Variants in SYCP2 observed in about 807,000 individuals in gnomAD.
SYCP2 encodes the protein synaptonemal complex protein 2.
In SYCP2, 55 loss-of-function variants were observed where a neutral mutation model predicts 211.3. That is an observed-to-expected ratio of 0.26 (90% CI 0.21 to 0.33). The LOEUF (loss-of-function observed/expected upper bound fraction) is 0.33. SYCP2 is among the 10% of genes least tolerant of loss of function. The pLI is 1.00. For synonymous variants in SYCP2, 570 were observed against 555.2 expected (o/e 1.03, Z -0.37); for missense variants, 1,731 against 1,752.0 (o/e 0.99, Z 0.21).
In SYCP2 at chr20:59,919,638, ATT is replaced by A. The variant is rs777300620; in HGVS notation, c.298-43_298-42del. The A allele has an allele frequency of 4.0e-6, 5 of 1,260,966 alleles. No homozygotes were observed. In the East Asian group the frequency reaches 1.2e-4, roughly 30 times the overall value. 78.1% of individuals were successfully genotyped at this position (1,260,966 alleles called of 1,614,324 possible). Reference sequence around the variant, plus strand: ...AACTTATTAGAGTTCCATTTTAATAATTTTAAGAATGTACTTATCTATCTTTG... The same window carrying A: ...AACTTATTAGAGTTCCATTTTAATAATTAAGAATGTACTTATCTATCTTTG... On this transcript the variant is annotated intron_variant, in intron 5 of 44. Coordinates refer to ENST00000357552, the MANE Select transcript of SYCP2 (RefSeq NM_014258.4).
chr20:59,918,850 A>T (rs1234506368), intron 7 of SYCP2, among the ~76,000 whole-genome samples: 1 of 152,154 alleles, frequency 6.6e-6, no homozygotes, highest in Admixed American at 6.5e-5. Flanking sequence ...AAGTTTCATT[A>T]TTAGTAGACC....
chr20:59,870,624 C>T (rs2145610079), intron 35 of SYCP2, among the ~76,000 whole-genome samples: 1 of 151,772 alleles, frequency 6.6e-6, no homozygotes, highest in African/African-American at 2.4e-5. Flanking sequence ...GGCAATTCTT[C>T]CCTTAGACAA....
chr20:59,886,497 G>A (rs2059791499), intron 25 of SYCP2, among the ~76,000 whole-genome samples: 1 of 151,928 alleles, frequency 6.6e-6, no homozygotes, highest in African/African-American at 2.4e-5. Context: ...TATATAAAAT[G>A]TAACTAGACA....
At chr20:59,871,262 C>T (rs373556920) in intron 35 of SYCP2, among the ~76,000 whole-genome samples, 1 of 151,782 alleles carries the variant, frequency 6.6e-6, no homozygotes, top group South Asian at 2.1e-4. Flanking sequence ...CAGGAAAATG[C>T]AAATTAAAGA....
At chr20:59,877,845 A>C (rs2059590924) in intron 32 of SYCP2, among the ~76,000 whole-genome samples, 163 bp downstream of exon 32, 1 of 151,994 alleles carries the variant, frequency 6.6e-6, no homozygotes, top group South Asian at 2.1e-4. Context: ...GTCAAAGGCC[A>C]GTATGATTTA....
intron 25 of SYCP2, 94 bp downstream of exon 25, chr20:59,886,613 A>G: frequency 3.3e-6 from 3 of 907,346 alleles, no homozygotes; most frequent in Non-Finnish European, 4.7e-6. Flanking sequence ...AAGTTACATT[A>G]TCTGAACCTA....
intron 37 of SYCP2, 39 bp downstream of exon 37, chr20:59,868,796 A>G (rs1412765539): frequency 1.3e-6 from 2 of 1,505,812 alleles, no homozygotes; most frequent in South Asian, 1.2e-5. Context: ...GTAGCATTTC[A>G]GTAATCATTT....
rs754029276 is a variant in SYCP2 at position 59,880,330 on chromosome 20, C to G, written c.2914G>C (p.Val972Leu). The G allele has an allele frequency of 3.8e-6, 6 of 1,588,448 alleles. No individual in the cohort carries two copies. Among genetic ancestry groups the G allele is most frequent in the Middle Eastern group, 1.7e-4 (1 of 5,884 alleles). ...GATTTTCCACTTTTATGATTCTTCA[C>G]ATTTTTATTTCTGCTATAGTCTATT... The part of the protein sequence containing the change: ...QLIDYSRNKN[V>L]KNHKSGKSRS... Residue 972 changes from valine (V) to leucine (L), a missense_variant, in exon 31 of 45, where the codon GTG (valine) becomes CTG (leucine). Physicochemically the swap from Val to Leu is conservative, Grantham distance 32 (BLOSUM62 1). Coordinates refer to ENST00000357552, the MANE Select transcript of SYCP2 (RefSeq NM_014258.4).
intron 26 of SYCP2, 139 bp from the exon 27 acceptor site, chr20:59,882,304 G>T: frequency 1.5e-6 from 1 of 673,026 alleles, no homozygotes. Flanking sequence ...CAAAAAGACA[G>T]GCAATAACAG....
chr20:59,864,197 G>A lies in SYCP2; in HGVS notation c.*114C>T. On this transcript the variant is annotated 3_prime_UTR_variant, in exon 45 of 45. Transcript: ENST00000357552. ...TTTTTAATTTGAGGGTTCCTATAAA[G>A]GGTACACTTGCTTCGGTGACATGTA... 1 of 705,062 alleles carries A rather than the reference G, an allele frequency of 1.4e-6. No individual in the cohort carries two copies. Among genetic ancestry groups the A allele is most frequent in the Non-Finnish European group, 2.3e-6 (1 of 438,536 alleles). 43.7% of individuals were successfully genotyped at this position (705,062 alleles called of 1,614,324 possible).
At chr20:59,900,377 A>C in intron 17 of SYCP2, 93 bp from the exon 18 acceptor site, 2 of 1,083,774 alleles carry the variant, frequency 1.8e-6, no homozygotes, top group Non-Finnish European at 2.6e-6. Context: ...TACTCATCTC[A>C]CATATTCAAT....
intron 25 of SYCP2, among the ~76,000 whole-genome samples, 175 bp from the exon 26 acceptor site, chr20:59,886,139 T>C (rs6015594): frequency 1.3e-5 from 2 of 151,422 alleles, no homozygotes; most frequent in African/African-American, 2.5e-5. Context: ...ACAGCACTTA[T>C]AATAGAGCAT....
In SYCP2 at chr20:59,893,134, A is replaced by T; in HGVS notation, c.1793+8T>A. The T allele has an allele frequency of 6.3e-7, 1 of 1,585,930 alleles. No homozygotes were observed. The highest frequency in any genetic ancestry group is 1.1e-5 in the South Asian group (1 of 88,416). ...GACTAAATGATTTGATGGTTTTCTC[A>T]TACTTACATAGTATGATCTCTTTTT... On this transcript the variant is annotated splice_region_variant and intron_variant, in intron 22 of 44. Coordinates refer to ENST00000357552, the MANE Select transcript of SYCP2 (RefSeq NM_014258.4).
chr20:59,895,630 T>C (rs1444040845), intron 19 of SYCP2, 33 bp from the exon 20 acceptor site: 1 of 1,604,668 alleles, frequency 6.2e-7, no homozygotes, highest in South Asian at 1.1e-5. Context: ...CAGATTTTTC[T>C]TTTTTTACCT....
intron 19 of SYCP2, 118 bp downstream of exon 19, chr20:59,896,311 T>C (rs2060006263): frequency 1.7e-6 from 1 of 581,216 alleles, no homozygotes; most frequent in South Asian, 2.4e-5. Context: ...GTTCATATTT[T>C]ATCAATTTTT....
At chr20:59,881,816 TTATTA>T (rs990045609) in intron 28 of SYCP2, 124 bp downstream of exon 28, 8 of 617,332 alleles carry the variant, frequency 1.3e-5, no homozygotes, top group Middle Eastern at 4.7e-4. Context: ...ATCCAAAATA[TTATTA>T]TATATTTCTT....
chr20:59,869,064 C>T, intron 36 of SYCP2, 139 bp from the exon 37 acceptor site: 1 of 595,564 alleles, frequency 1.7e-6, no homozygotes, highest in South Asian at 2.2e-5. Flanking sequence ...CCTTCCTTTT[C>T]ATCTCTAATA....
intron 24 of SYCP2, among the ~76,000 whole-genome samples, chr20:59,890,354 C>CA (rs1475995390): frequency 1.3e-5 from 2 of 152,022 alleles, no homozygotes; most frequent in Non-Finnish European, 2.9e-5. Context: ...ATAATAAGAA[C>CA]ACATGGACAC....
intron 31 of SYCP2, among the ~76,000 whole-genome samples, chr20:59,879,706 A>G (rs1342759748): frequency 1.3e-5 from 2 of 150,696 alleles, no homozygotes; most frequent in Non-Finnish European, 3.0e-5. Flanking sequence ...CCCAAAAAAA[A>G]AAATCTGGAA....
Sources: gnomAD v4.1 joint callset for allele counts (sites outside exome capture counted in the v4.1 genomes callset) on GRCh38, gnomAD v4.1.1 for gene constraint, MANE v1.5 for transcripts, NCBI Gene and HGNC (gene_info 2026-07-23, HGNC 2026-07-21) for gene names.